Variants in SULF2 observed in about 807,000 individuals in gnomAD.
SULF2 encodes the protein extracellular sulfatase Sulf-2.
In SULF2, 52 loss-of-function variants were observed where a neutral mutation model predicts 107.7. That is an observed-to-expected ratio of 0.48 (90% CI 0.39 to 0.61). The LOEUF (loss-of-function observed/expected upper bound fraction) is 0.61. SULF2 is among the 20% of genes least tolerant of loss of function. SULF2 has a pLI of 0.00. For missense variants in SULF2, 993 were observed against 1,177.3 expected, an observed-to-expected ratio of 0.84 and a Z score of 2.29; for synonymous variants, 460 against 464.3, an observed-to-expected ratio of 0.99 and a Z score of 0.12.
At chr20:47,749,711 C>A (rs1460632332) in intron 2 of SULF2, among the ~76,000 whole-genome samples, 2 of 152,252 alleles carry the variant, frequency 1.3e-5, no homozygotes, top group African/African-American at 2.4e-5. Context: ...CAGACCTCTG[C>A]TACATCTTTC....
chr20:47,783,027 G>A (rs2090859594), intron 1 of SULF2, among the ~76,000 whole-genome samples: 1 of 152,178 alleles, frequency 6.6e-6, no homozygotes, highest in African/African-American at 2.4e-5. Context: ...ACCAGCTGTA[G>A]GCAAGTCACA....
At chr20:47,711,573 G>A (rs928500377) in intron 3 of SULF2, among the ~76,000 whole-genome samples, 4 of 152,120 alleles carry the variant, frequency 2.6e-5, no homozygotes, top group African/African-American at 7.2e-5. Context: ...AGCAACTTTC[G>A]GTACATGTTC....
At chr20:47,679,007 C>G (rs1447539561) in intron 7 of SULF2, among the ~76,000 whole-genome samples, 2 of 145,386 alleles carry the variant, frequency 1.4e-5, no homozygotes, top group Non-Finnish European at 3.0e-5. Context: ...GCTCGCCCCC[C>G]CTTAGTTTCT....
rs891895928 is a variant in SULF2, at chr20:47,771,774, C to T, written c.-101+13569G>A. Among the ~76,000 whole-genome samples, 9 of 152,256 alleles carry T rather than the reference C, an allele frequency of 5.9e-5. No homozygotes were observed. The East Asian group carries it at 7.7e-4, about 13-fold the overall frequency. On this transcript the variant is annotated intron_variant, in intron 1 of 20. Transcript: ENST00000688720. ...AAATGGGGGTGCTGGGCCAGGGCTC[C>T]GGGGCCAAGCTTGGAAGGATGCTCA...
intron 3 of SULF2, among the ~76,000 whole-genome samples, chr20:47,729,586 A>G (rs1410032696): frequency 6.6e-6 from 1 of 151,530 alleles, no homozygotes; most frequent in Non-Finnish European, 1.5e-5. Flanking sequence ...TGTGAAAGGA[A>G]TAGGAAAAAA....
At chr20:47,766,593 C>A in intron 1 of SULF2, among the ~76,000 whole-genome samples, 1 of 152,184 alleles carries the variant, frequency 6.6e-6, no homozygotes, top group Non-Finnish European at 1.5e-5. Context: ...GTGTGCCAGG[C>A]ACAGTTCTTG....
chr20:47,722,266 A>AT (rs531761940), intron 3 of SULF2, among the ~76,000 whole-genome samples: 1 of 151,642 alleles, frequency 6.6e-6, no homozygotes, highest in South Asian at 2.1e-4. Context: ...CCATCTGTTC[A>AT]TTTTTTTTAT....
intron 3 of SULF2, among the ~76,000 whole-genome samples, chr20:47,703,562 G>A (rs2088635805): frequency 6.6e-6 from 1 of 152,186 alleles, no homozygotes; most frequent in Non-Finnish European, 1.5e-5. Context: ...CACACTGAGT[G>A]GCTGCCCCAA....
chr20:47,675,243 TA>T (rs2087603276), intron 10 of SULF2, among the ~76,000 whole-genome samples: 1 of 152,096 alleles, frequency 6.6e-6, no homozygotes, highest in African/African-American at 2.4e-5. Context: ...GGGATCTCGG[TA>T]CAAAGTCAAG....
intron 2 of SULF2, among the ~76,000 whole-genome samples, chr20:47,751,211 T>C (rs767429093): frequency 1.2e-4 from 19 of 152,248 alleles, no homozygotes; most frequent in Non-Finnish European, 2.5e-4. Flanking sequence ...GAGAGCGCCA[T>C]GTGAGGGTGT....
chr20:47,734,289 T>G (rs1289435473), intron 3 of SULF2, among the ~76,000 whole-genome samples: 1 of 152,342 alleles, frequency 6.6e-6, no homozygotes, highest in South Asian at 2.1e-4. Context: ...CTTTGCTAGG[T>G]GGCCACGTGA....
At chr20:47,757,008 C>A (rs6063149) in intron 2 of SULF2, among the ~76,000 whole-genome samples, 181 bp downstream of exon 2, 3 of 152,064 alleles carry the variant, frequency 2.0e-5, no homozygotes, top group African/African-American at 7.2e-5. Flanking sequence ...GGGTAGAGAC[C>A]CCTAACCTTG....
At position 47,666,439 on chromosome 20, in the gene SULF2, G is replaced by C. The variant is rs1171343360; in HGVS notation, c.1626C>G (p.Ile542Met). The change falls in exon 12 of 21, where the codon ATC becomes ATG. Residue 542 changes from isoleucine to methionine, a missense_variant. Transcript: ENST00000688720. This position sits in a 1 kb window ranked among gnomAD's most constrained non-coding sequence, Gnocchi z 5.4. ...CGTGGTACACCCTGCCGTCCACCTCGATGGCCACTGAGCGGATGGAGCGAC... is the reference window on the plus strand; with the variant it reads ...CGTGGTACACCCTGCCGTCCACCTCCATGGCCACTGAGCGGATGGAGCGAC... ...VRSRSIRSVA[I>M]EVDGRVYHVG... The C allele has an allele frequency of 5.0e-6, 8 of 1,613,662 alleles. No individual in the cohort carries two copies. The South Asian group carries it at 6.6e-5, about 13-fold the overall frequency.
In SULF2 at chr20:47,754,129, C is replaced by T. The variant is rs550073003; in HGVS notation, c.175+3060G>A. ...TGAATATACGTGGTACAGCCCCGAA[C>T]CCCCCAACCTTGCAATTAGGAAACA... On this transcript the variant is annotated intron_variant, in intron 2 of 20. Coordinates refer to ENST00000688720, the MANE Select transcript of SULF2 (RefSeq NM_001387048.1). Among the ~76,000 whole-genome samples, 10 of 152,226 alleles carry T rather than the reference C, an allele frequency of 6.6e-5. No individual in the cohort carries two copies. In the South Asian group the frequency reaches 1.5e-3, roughly 22 times the overall value.
chr20:47,661,756 T>C lies in SULF2; in HGVS notation c.2494+17A>G. 2 of 1,521,614 alleles carry C rather than the reference T, an allele frequency of 1.3e-6. No individual in the cohort carries two copies. The highest frequency in any genetic ancestry group is 1.8e-6 in the Non-Finnish European group (2 of 1,119,410). 94.3% of individuals were successfully genotyped at this position (1,521,614 alleles called of 1,614,324 possible). A position where few individuals can be genotyped will look rare whatever the true frequency, so the allele number is the denominator to read the frequency against. ...TACCCTGCTGTCCAAGGGCCCCACG[T>C]TGGGGTGCCTACTCACCCAGGTCCA... On this transcript the variant is annotated intron_variant, in intron 18 of 20. Transcript: ENST00000688720.
At chr20:47,741,130 C>T (rs1397163615) in intron 2 of SULF2, among the ~76,000 whole-genome samples, 6 of 152,222 alleles carry the variant, frequency 3.9e-5, no homozygotes, top group Non-Finnish European at 7.3e-5. Flanking sequence ...TTATTCCCCA[C>T]GGTGTAGCCA....
chr20:47,753,314 C>G (rs1423543474), intron 2 of SULF2, among the ~76,000 whole-genome samples: 1 of 152,166 alleles, frequency 6.6e-6, no homozygotes, highest in Non-Finnish European at 1.5e-5. Flanking sequence ...GATACAAGAG[C>G]CACCACCAAG....
chr20:47,750,359 G>C (rs969171259), intron 2 of SULF2, among the ~76,000 whole-genome samples: 22 of 152,332 alleles, frequency 1.4e-4, no homozygotes, highest in Non-Finnish European at 1.2e-4. Context: ...CAACCTTGGA[G>C]TCATTCTCAA....
In SULF2 at chr20:47,666,568, A is replaced by G. The variant is rs1344736161; in HGVS notation, c.1577-80T>C. Reference sequence around the variant, plus strand: ...TCCCAGGGCAGTGGGTCCTTCATCAAGATAGGGCCGGGCTTCCAAGCATGA... The same window carrying G: ...TCCCAGGGCAGTGGGTCCTTCATCAGGATAGGGCCGGGCTTCCAAGCATGA... On this transcript the variant is annotated intron_variant, in intron 11 of 20. Transcript: ENST00000688720. The surrounding 1 kb of genome is among the most constrained non-coding windows in gnomAD (Gnocchi z 5.4). 5.2e-6 allele frequency: 6 copies of G among 1,156,610 alleles called. No individual in the cohort carries two copies. Among genetic ancestry groups the G allele is most frequent in the Non-Finnish European group, 7.5e-6 (6 of 799,424 alleles). 71.6% of individuals were successfully genotyped at this position (1,156,610 alleles called of 1,614,324 possible). A position where few individuals can be genotyped will look rare whatever the true frequency, so the allele number is the denominator to read the frequency against.
Sources: gnomAD v4.1 joint callset for allele counts (sites outside exome capture counted in the v4.1 genomes callset) on GRCh38, gnomAD v4.1.1 for gene constraint, Gnocchi (gnomAD v3.1) non-coding constraint, MANE v1.5 for transcripts, NCBI Gene and HGNC (gene_info 2026-07-23, HGNC 2026-07-21) for gene names.